FOXP1: variants seen among roughly 807,000 people sequenced by gnomAD.
FOXP1 encodes the protein forkhead box protein P1.
Under a neutral mutation model 98.2 loss-of-function variants are expected in FOXP1, and 15 were observed. The ratio of observed to expected loss-of-function variants is 0.15; its 90% CI spans 0.10 to 0.24. FOXP1 has a LOEUF of 0.24. FOXP1 is among the 10% of genes least tolerant of loss of function. The pLI, the probability that FOXP1 is intolerant of heterozygous loss-of-function variation, is 1.00. For missense variants in FOXP1, 633 were observed against 848.5 expected (o/e 0.75, Z 3.15); for synonymous variants, 371 against 314.5 (o/e 1.18, Z -1.90).
At chr3:71,284,968 G>GA (rs1266892453) in intron 5 of FOXP1, among the ~76,000 whole-genome samples, 2 of 151,880 alleles carry the variant, frequency 1.3e-5, no homozygotes, top group East Asian at 1.9e-4. Context: ...TTTATAATCA[G>GA]AAAAAATTAA....
At chr3:71,434,083 T>C (rs751951736) in intron 3 of FOXP1, among the ~76,000 whole-genome samples, 1 of 152,202 alleles carries the variant, frequency 6.6e-6, no homozygotes, top group Non-Finnish European at 1.5e-5. Context: ...TACAAAATAT[T>C]TCTTAGGTAA....
intron 2 of FOXP1, among the ~76,000 whole-genome samples, chr3:71,494,918 A>G (rs1482986950): frequency 6.9e-6 from 1 of 144,548 alleles, no homozygotes; most frequent in South Asian, 2.2e-4. Flanking sequence ...TGTCACATAG[A>G]AAAAAAAAAA....
chr3:71,181,839 T>C (rs2062316106), intron 6 of FOXP1, among the ~76,000 whole-genome samples: 4 of 151,996 alleles, frequency 2.6e-5, no homozygotes, highest in African/African-American at 9.7e-5. Flanking sequence ...AAGACTATCC[T>C]GGCTAACATG....
intron 7 of FOXP1, among the ~76,000 whole-genome samples, chr3:71,093,454 A>T (rs1315007251): frequency 1.4e-5 from 2 of 142,130 alleles, no homozygotes; most frequent in African/African-American, 2.6e-5. Flanking sequence ...CAACTCTTTG[A>T]CTGTACTAGC....
At chr3:71,283,202 A>G (rs986907645) in intron 5 of FOXP1, among the ~76,000 whole-genome samples, 6 of 152,184 alleles carry the variant, frequency 3.9e-5, no homozygotes, top group African/African-American at 1.4e-4. Flanking sequence ...TCAGGAATGA[A>G]TAAGAATGAG....
At chr3:71,125,495 C>T (rs2059102574) in intron 6 of FOXP1, among the ~76,000 whole-genome samples, 1 of 152,018 alleles carries the variant, frequency 6.6e-6, no homozygotes, top group African/African-American at 2.4e-5. Context: ...TTGTAATGAA[C>T]TTTAGAAAGA....
chr3:71,198,429 G>GCC, intron 5 of FOXP1, 37 bp from the exon 6 acceptor site: 1 of 497,204 alleles, frequency 2.0e-6, no homozygotes, highest in Non-Finnish European at 4.0e-6. Flanking sequence ...GGAGGGAGGG[G>GCC]GGGAGAAAAA....
chr3:71,343,846 T>C (rs2077161423), intron 4 of FOXP1, among the ~76,000 whole-genome samples: 1 of 152,222 alleles, frequency 6.6e-6, no homozygotes, highest in Admixed American at 6.5e-5. Context: ...TTAGATTTTC[T>C]GAATCAAACA....
intron 11 of FOXP1, among the ~76,000 whole-genome samples, chr3:71,020,327 T>A (rs1220065889): frequency 6.6e-6 from 1 of 152,180 alleles, no homozygotes; most frequent in African/African-American, 2.4e-5. Flanking sequence ...CAATGACAGT[T>A]AAGTAGGATA....
intron 2 of FOXP1, chr3:71,573,854 A>G (rs1242322412): frequency 6.6e-6 from 1 of 152,196 alleles, no homozygotes; most frequent in Non-Finnish European, 1.5e-5. Flanking sequence ...TACATCACTA[A>G]AAAAAGGTCT....
intron 12 of FOXP1, among the ~76,000 whole-genome samples, chr3:71,012,778 C>T (rs1235762188): frequency 2.0e-5 from 3 of 152,114 alleles, no homozygotes; most frequent in African/African-American, 7.2e-5. Flanking sequence ...ACCTCTGTTT[C>T]CCTGGGGCTT....
At chr3:71,213,801 G>A (rs145406440) in intron 5 of FOXP1, among the ~76,000 whole-genome samples, 328 of 152,212 alleles carry the variant, frequency 2.2e-3, no homozygotes, top group African/African-American at 6.9e-3. Flanking sequence ...GGGCGACAGA[G>A]CAAGACTCCA....
intron 2 of FOXP1, among the ~76,000 whole-genome samples, chr3:71,548,680 TGA>T (rs765262742): frequency 2.0e-4 from 31 of 152,186 alleles, no homozygotes; most frequent in Admixed American, 1.3e-4. Context: ...ATTACAGGTG[TGA>T]GTCACCGCAC....
At chr3:71,153,712 T>C (rs571264179) in intron 6 of FOXP1, among the ~76,000 whole-genome samples, 1 of 152,164 alleles carries the variant, frequency 6.6e-6, no homozygotes, top group African/African-American at 2.4e-5. Context: ...CTTAACAAAA[T>C]AAATCCACTC....
At chr3:71,256,872 G>C (rs187981939) in intron 5 of FOXP1, among the ~76,000 whole-genome samples, 1 of 152,036 alleles carries the variant, frequency 6.6e-6, no homozygotes. Context: ...TTTTAGCAGT[G>C]GCTGCGACGA....
intron 2 of FOXP1, among the ~76,000 whole-genome samples, chr3:71,551,121 G>T (rs2045744908): frequency 6.6e-6 from 1 of 152,304 alleles, no homozygotes; most frequent in African/African-American, 2.4e-5. Flanking sequence ...GCCTGGAATG[G>T]ATAGCTTTAG....
chr3:71,358,073 G>A (rs1402271197), intron 4 of FOXP1, among the ~76,000 whole-genome samples: 4 of 152,096 alleles, frequency 2.6e-5, no homozygotes, highest in African/African-American at 9.7e-5. Flanking sequence ...AAGCATATTT[G>A]CTGAGCCTGT....
chr3:70,987,949 A>G (rs377291646), intron 14 of FOXP1, 45 bp downstream of exon 14: 33 of 1,563,722 alleles, frequency 2.1e-5, no homozygotes, highest in Non-Finnish European at 2.7e-5. Context: ...GAAAAGGAAT[A>G]CTGTGAGTTT....
intron 3 of FOXP1, among the ~76,000 whole-genome samples, chr3:71,376,415 T>A (rs1410044710): frequency 6.6e-6 from 1 of 152,204 alleles, no homozygotes; most frequent in African/African-American, 2.4e-5. Flanking sequence ...AGTTCAGACT[T>A]GTGTCTTAAA....
Sources: gnomAD v4.1 joint callset for allele counts (sites outside exome capture counted in the v4.1 genomes callset) on GRCh38, gnomAD v4.1.1 for gene constraint, MANE v1.5 for transcripts, NCBI Gene and HGNC (gene_info 2026-07-23, HGNC 2026-07-21) for gene names.